Variants in WDFY3 observed in about 807,000 individuals in gnomAD.
WDFY3 encodes the protein WD repeat and FYVE domain containing 3.
WDFY3 carries 66 observed loss-of-function variants against 409.6 expected under a neutral mutation model. The ratio of observed to expected loss-of-function variants is 0.16; its 90% CI spans 0.13 to 0.20. The LOEUF is 0.20. Among genes scored for constraint, WDFY3 ranks in the 10% least tolerant of loss-of-function variants. The pLI is 1.00. For missense variants in WDFY3, 3,031 were observed against 4,298.1 expected (o/e 0.71, Z 8.24); for synonymous variants, 1,521 against 1,537.1 (o/e 0.99, Z 0.25).
At chr4:84,912,484 T>G (rs933939298) in intron 2 of WDFY3, among the ~76,000 whole-genome samples, 1 of 152,150 alleles carries the variant, frequency 6.6e-6, no homozygotes, top group Non-Finnish European at 1.5e-5. Context: ...GACTCTAATA[T>G]GATTTGAGAA....
chr4:84,823,082 C>A (rs1754318087), intron 10 of WDFY3, among the ~76,000 whole-genome samples: 1 of 152,068 alleles, frequency 6.6e-6, no homozygotes, highest in African/African-American at 2.4e-5. Flanking sequence ...ACTTAAGTGA[C>A]CTGATTTTAA....
intron 1 of WDFY3, among the ~76,000 whole-genome samples, chr4:84,949,550 A>G (rs1417205577): frequency 6.6e-6 from 1 of 152,234 alleles, no homozygotes; most frequent in African/African-American, 2.4e-5. Flanking sequence ...AAGAGTATAT[A>G]TATCTAGTCA....
intron 3 of WDFY3, among the ~76,000 whole-genome samples, chr4:84,865,514 T>C (rs1578880627): frequency 6.6e-6 from 1 of 152,254 alleles, no homozygotes; most frequent in Admixed American, 6.5e-5. Context: ...CTCCAGGTGA[T>C]GGATGTCTGA....
intron 4 of WDFY3, among the ~76,000 whole-genome samples, chr4:84,857,580 G>A (rs1759939064): frequency 6.6e-6 from 1 of 152,078 alleles, no homozygotes; most frequent in South Asian, 2.1e-4. Context: ...CAAACTTCCA[G>A]ATAACAAAAA....
chr4:84,780,344 G>C, intron 25 of WDFY3, 46 bp from the exon 26 acceptor site: 1 of 1,547,654 alleles, frequency 6.5e-7, no homozygotes, highest in South Asian at 1.2e-5. Flanking sequence ...TTCCCCATGT[G>C]AACAAGAACT....
At chr4:84,784,693 T>C (rs1446927945) in intron 24 of WDFY3, among the ~76,000 whole-genome samples, 3 of 150,840 alleles carry the variant, frequency 2.0e-5, no homozygotes, top group African/African-American at 7.3e-5. Flanking sequence ...CAAAAATCAG[T>C]TGGGCATGGT....
intron 64 of WDFY3, among the ~76,000 whole-genome samples, chr4:84,681,160 C>T (rs1727284277): frequency 6.6e-6 from 1 of 152,182 alleles, no homozygotes. Context: ...CTACATTGTT[C>T]AATCCTTCCT....
At chr4:84,696,936 A>T in intron 56 of WDFY3, 113 bp from the exon 57 acceptor site, 4 of 829,462 alleles carry the variant, frequency 4.8e-6, no homozygotes, top group Non-Finnish European at 5.7e-6. Context: ...GAACGCTAAA[A>T]TTGTACACCA....
intron 27 of WDFY3, 87 bp downstream of exon 27, chr4:84,778,416 C>A: frequency 8.0e-7 from 1 of 1,243,550 alleles, no homozygotes; most frequent in Non-Finnish European, 1.1e-6. Flanking sequence ...GCTTTAAACA[C>A]ATTTTAGAGA....
intron 58 of WDFY3, among the ~76,000 whole-genome samples, chr4:84,693,762 G>A (rs1729643932): frequency 6.6e-6 from 1 of 152,080 alleles, no homozygotes; most frequent in South Asian, 2.1e-4. Context: ...GGGCGTGGTG[G>A]TACACGCCTG....
intron 44 of WDFY3, among the ~76,000 whole-genome samples, chr4:84,731,569 C>T (rs187229939): frequency 8.5e-5 from 13 of 152,124 alleles, no homozygotes; most frequent in Non-Finnish European, 1.6e-4. Flanking sequence ...CAATATGTAA[C>T]CCACCTGTTA....
chr4:84,766,466 C>T lies in WDFY3; in HGVS notation c.4850-94G>A, dbSNP rs1743657061. On this transcript the variant is annotated intron_variant, in intron 30 of 67. Transcript: ENST00000295888. ...TTGGAAAGTTTACTGAAAAATATAT[C>T]TTTTAGAAAACATTTTCTCCAGGAC... The T allele has an allele frequency of 4.8e-6, 6 of 1,260,648 alleles. No individual in the cohort carries two copies. In the South Asian group the frequency reaches 5.9e-5, roughly 12 times the overall value. 78.1% of individuals were successfully genotyped at this position (1,260,648 alleles called of 1,614,324 possible). A position where few individuals can be genotyped will look rare whatever the true frequency, so the allele number is the denominator to read the frequency against.
At chr4:84,697,255 T>C (rs1157710272) in intron 56 of WDFY3, among the ~76,000 whole-genome samples, 1 of 152,226 alleles carries the variant, frequency 6.6e-6, no homozygotes, top group African/African-American at 2.4e-5. Flanking sequence ...GTCTTGAATC[T>C]CCTGGACACA....
At chr4:84,681,819 T>G (rs1214353571) in intron 64 of WDFY3, among the ~76,000 whole-genome samples, 2 of 152,204 alleles carry the variant, frequency 1.3e-5, no homozygotes, top group Non-Finnish European at 2.9e-5. Flanking sequence ...TGGGTAGAAA[T>G]CAATTATCTC....
intron 35 of WDFY3, among the ~76,000 whole-genome samples, chr4:84,752,147 A>C (rs922077312): frequency 1.3e-5 from 2 of 152,148 alleles, no homozygotes; most frequent in Non-Finnish European, 2.9e-5. Flanking sequence ...ACCCCAAATA[A>C]ATTTAAAAAA....
intron 32 of WDFY3, among the ~76,000 whole-genome samples, chr4:84,764,658 G>A (rs1355691113): frequency 1.3e-5 from 2 of 151,758 alleles, no homozygotes; most frequent in African/African-American, 4.8e-5. Context: ...TCAGGAGATC[G>A]AGACCATCCT....
At chr4:84,881,843 T>G (rs561775520) in intron 3 of WDFY3, among the ~76,000 whole-genome samples, 1 of 151,578 alleles carries the variant, frequency 6.6e-6, no homozygotes, top group Admixed American at 6.6e-5. Context: ...ATTGTGCCAC[T>G]GTACTCCAGC....
rs1203751859 is a variant in WDFY3 at position 84,713,224 on chromosome 4, C to G, written c.7977G>C (p.Val2659=). The G allele has an allele frequency of 1.2e-6, 2 of 1,614,000 alleles. No individual in the cohort carries two copies. The highest frequency in any genetic ancestry group is 1.7e-6 in the Non-Finnish European group (2 of 1,180,006). ...ATTCTGAACTGTCCGTTAGAGATGGCACTACAGCCAAAAACCTGAAAAATT... is the reference window on the plus strand; with the variant it reads ...ATTCTGAACTGTCCGTTAGAGATGGGACTACAGCCAAAAACCTGAAAAATT... The part of the protein sequence containing the change: ...NKVYQRFLAV[V]PSLTDSSESV... Residue 2659 remains valine, a synonymous_variant, in exon 51 of 68, where the codon GTG becomes GTC. Coordinates refer to ENST00000295888, the MANE Select transcript of WDFY3 (RefSeq NM_014991.6).
At chr4:84,910,537 C>T (rs1767619920) in intron 2 of WDFY3, among the ~76,000 whole-genome samples, 1 of 152,084 alleles carries the variant, frequency 6.6e-6, no homozygotes, top group Non-Finnish European at 1.5e-5. Flanking sequence ...TGATTTTCAA[C>T]AAGAGAGCCA....
Sources: allele counts gnomAD v4.1 joint callset (sites outside exome capture counted in the v4.1 genomes callset), GRCh38; gene constraint gnomAD v4.1.1; transcripts MANE v1.5; gene names NCBI Gene and HGNC (gene_info 2026-07-23, HGNC 2026-07-21).